RNF111: variants seen among roughly 807,000 people sequenced by gnomAD.
RNF111 encodes E3 ubiquitin-protein ligase Arkadia.
Under a neutral mutation model 95.1 loss-of-function variants are expected in RNF111, and 17 were observed. The observed-to-expected ratio is 0.18, with a 90% CI of 0.12 to 0.27. RNF111 has a LOEUF of 0.27. Ranked by LOEUF, RNF111 falls within the 10% of genes least tolerant of loss-of-function variation. The pLI is 1.00. For synonymous variants in RNF111, 440 were observed against 414.8 expected (o/e 1.06, Z -0.74); for missense variants, 1,189 against 1,210.4 (o/e 0.98, Z 0.26).
At chr15:59,072,743 C>T (rs759194260) in intron 6 of RNF111, among the ~76,000 whole-genome samples, 4 of 151,992 alleles carry the variant, frequency 2.6e-5, no homozygotes, top group Non-Finnish European at 4.4e-5. Flanking sequence ...TGAGCCACCA[C>T]ACCCGGCCTG....
At chr15:59,066,058 A>G (rs2042641574) in intron 5 of RNF111, among the ~76,000 whole-genome samples, 1 of 152,172 alleles carries the variant, frequency 6.6e-6, no homozygotes, top group South Asian at 2.1e-4. Context: ...ATTATGTAGG[A>G]AGGATTTATG....
intron 9 of RNF111, among the ~76,000 whole-genome samples, chr15:59,085,204 T>A (rs1202683888): frequency 3.9e-5 from 6 of 152,240 alleles, no homozygotes; most frequent in African/African-American, 1.4e-4. Context: ...AAAATTTTGT[T>A]TGCCCTTCTT....
chr15:59,083,690 G>A (rs1201444445), intron 8 of RNF111, among the ~76,000 whole-genome samples: 1 of 152,040 alleles, frequency 6.6e-6, no homozygotes, highest in Non-Finnish European at 1.5e-5. Context: ...CAGTATAAGA[G>A]TAAATGAAGC....
intron 1 of RNF111, among the ~76,000 whole-genome samples, chr15:58,996,868 C>A (rs563023004): frequency 6.6e-6 from 1 of 152,072 alleles, no homozygotes; most frequent in East Asian, 1.9e-4. Context: ...AAAAGACTTA[C>A]AATGAAAAAC....
At position 59,031,004 on chromosome 15, in the gene RNF111, G is replaced by A; in HGVS notation, c.182G>A (p.Gly61Glu). The change falls in exon 2 of 14, where the codon GGG becomes GAG. Residue 61 changes from glycine to glutamate, a missense_variant. Physicochemically the swap from Gly to Glu is moderately conservative, Grantham distance 98 (BLOSUM62 -2). Coordinates refer to ENST00000348370, the MANE Select transcript of RNF111 (RefSeq NM_017610.8). ...AGVEMINSKV[G>E]NEFSHLCDDS... ...GTTGAGATGATTAATAGTAAAGTGG[G>A]GAATGAATTCTCTCACCTGTGTGAT... is the stretch of plus-strand genomic sequence containing the variant. 1 of 1,614,124 alleles carries A rather than the reference G, an allele frequency of 6.2e-7. No individual in the cohort carries two copies. Among genetic ancestry groups the A allele is most frequent in the Non-Finnish European group, 8.5e-7 (1 of 1,180,022 alleles).
At chr15:59,011,660 T>C (rs1217581672) in intron 1 of RNF111, among the ~76,000 whole-genome samples, 1 of 152,226 alleles carries the variant, frequency 6.6e-6, no homozygotes, top group African/African-American at 2.4e-5. Context: ...TGCATCCTGA[T>C]GTTGCTTTGT....
Position 59,017,753 on chromosome 15 carries a change from CTTTTTTT to C in RNF111, c.-19-13036_-19-13030del, listed in dbSNP as rs200975904. 2.6e-4 allele frequency among the ~76,000 whole-genome samples: 32 copies of C among 120,954 alleles called. 1 individual carries two copies. Among genetic ancestry groups the C allele is most frequent in the East Asian group, 9.0e-4 (4 of 4,468 alleles). 79.4% of individuals were successfully genotyped at this position (120,954 alleles called of 152,430 possible). A position where few individuals can be genotyped will look rare whatever the true frequency, so the allele number is the denominator to read the frequency against. The stretch of plus-strand genomic sequence containing the variant: ...GGTTTGTTACATTATTTGTTGAACT[CTTTTTTT>C]TTTTTTTTTTTTTTGAGATGGAGTT... On this transcript the variant is annotated intron_variant, in intron 1 of 13. Coordinates refer to ENST00000348370, the MANE Select transcript of RNF111 (RefSeq NM_017610.8).
intron 2 of RNF111, among the ~76,000 whole-genome samples, chr15:59,041,208 A>G (rs2041432332): frequency 6.6e-6 from 1 of 152,164 alleles, no homozygotes; most frequent in Non-Finnish European, 1.5e-5. Context: ...CCAGTCTCCT[A>G]TTGATGAACA....
At chr15:59,041,245 A>T (rs1456429147) in intron 2 of RNF111, among the ~76,000 whole-genome samples, 5 of 152,044 alleles carry the variant, frequency 3.3e-5, no homozygotes, top group Admixed American at 2.6e-4. Flanking sequence ...TTATTATTTT[A>T]AATAGCACTG....
chr15:59,012,080 G>A, intron 1 of RNF111, among the ~76,000 whole-genome samples: 1 of 136,540 alleles, frequency 7.3e-6, no homozygotes, highest in South Asian at 2.4e-4. Context: ...AGTGAGTGGT[G>A]CGATCTTGCG....
intron 6 of RNF111, among the ~76,000 whole-genome samples, chr15:59,067,527 C>G (rs551247308): frequency 3.3e-5 from 5 of 152,102 alleles, no homozygotes; most frequent in Non-Finnish European, 7.4e-5. Context: ...TTCTTACACT[C>G]GAAAATGGCC....
rs34443683 is a variant in RNF111 at position 59,025,171 on chromosome 15, C to T, written c.-19-5633C>T. Among the ~76,000 whole-genome samples the T allele has an allele frequency of 3.3e-5, 5 of 152,210 alleles. No individual in the cohort carries two copies. In the East Asian group the frequency reaches 9.6e-4, roughly 29 times the overall value. ...AAGTGCAGGGATTACAGGCGTGAGC[C>T]ACTGCGCCCAGGCAGAAATCAAGTT... is the stretch of plus-strand genomic sequence containing the variant. On this transcript the variant is annotated intron_variant, in intron 1 of 13. Transcript: ENST00000348370.
At chr15:59,006,734 G>A (rs1362764922) in intron 1 of RNF111, among the ~76,000 whole-genome samples, 2 of 152,036 alleles carry the variant, frequency 1.3e-5, no homozygotes, top group South Asian at 2.1e-4. Flanking sequence ...CATTTTACCC[G>A]TAAAAAACTA....
chr15:59,084,310 G>A, intron 9 of RNF111, 56 bp downstream of exon 9: 1 of 1,428,300 alleles, frequency 7.0e-7, no homozygotes, highest in Non-Finnish European at 9.3e-7. Flanking sequence ...TAAAACTATT[G>A]GAAGAGATGC....
chr15:59,065,959 GT>G (rs1465841847), intron 5 of RNF111, among the ~76,000 whole-genome samples: 5 of 151,970 alleles, frequency 3.3e-5, no homozygotes, highest in Non-Finnish European at 7.4e-5. Context: ...ATATATTTGT[GT>G]TGGTGGATAG....
intron 1 of RNF111, among the ~76,000 whole-genome samples, chr15:59,023,933 C>T (rs1475364816): frequency 1.3e-5 from 2 of 152,160 alleles, no homozygotes; most frequent in East Asian, 3.8e-4. Context: ...CTGGAAGGTG[C>T]AACCACTTTC....
At chr15:59,034,789 G>A (rs1376818884) in intron 2 of RNF111, among the ~76,000 whole-genome samples, 3 of 152,274 alleles carry the variant, frequency 2.0e-5, no homozygotes, top group Non-Finnish European at 2.9e-5. Context: ...CAGGCTTTCT[G>A]GATAGAGTTG....
chr15:59,078,703 T>A (rs7165028), intron 7 of RNF111, among the ~76,000 whole-genome samples: 58,293 of 151,466 alleles, frequency 0.38, 12,861 homozygotes, highest in African/African-American at 0.61. Context: ...TACTAAAAAT[T>A]CAAAAACTAG....
At chr15:59,050,884 T>C (rs1181608220) in intron 2 of RNF111, among the ~76,000 whole-genome samples, 1 of 152,226 alleles carries the variant, frequency 6.6e-6, no homozygotes, top group Non-Finnish European at 1.5e-5. Context: ...GTATTTCTTT[T>C]GCATAACTGA....
Sources: gnomAD v4.1 joint callset for allele counts (sites outside exome capture counted in the v4.1 genomes callset) on GRCh38, gnomAD v4.1.1 for gene constraint, MANE v1.5 for transcripts, NCBI Gene and HGNC (gene_info 2026-07-23, HGNC 2026-07-21) for gene names.